The following P3H2 variants were observed in gnomAD, a reference collection of about 807,000 sequenced individuals.
The protein encoded by P3H2 is leprecan-like 1.
P3H2 carries 80 observed loss-of-function variants against 87.0 expected under a neutral mutation model. That is an observed-to-expected ratio of 0.92 (90% CI 0.77 to 1.11). The LOEUF (loss-of-function observed/expected upper bound fraction) is 1.11. P3H2 is among the 50% of genes least tolerant of loss of function. P3H2 has a pLI of 0.00. For missense variants in P3H2, 1,001 were observed against 923.9 expected (o/e 1.08, Z -1.08); for synonymous variants, 367 against 359.3 (o/e 1.02, Z -0.24).
intron 13 of P3H2, among the ~76,000 whole-genome samples, chr3:189,968,315 G>T (rs898888414): frequency 2.0e-5 from 3 of 152,018 alleles, no homozygotes; most frequent in Non-Finnish European, 2.9e-5. Flanking sequence ...TCATTGTTCA[G>T]CTCCCACTTA....
rs147047244 is a variant in P3H2, at chr3:189,968,175, A to G, written c.1893+2641T>C. On this transcript the variant is annotated intron_variant, in intron 13 of 14. Coordinates refer to ENST00000319332, the MANE Select transcript of P3H2 (RefSeq NM_018192.4). ...CATGTGCAGAATGTGCAGGTTTGTT[A>G]CATAGGTGTACATGTGCCATGGTGG... 6.2e-4 allele frequency among the ~76,000 whole-genome samples: 94 copies of G among 152,324 alleles called. 2 individuals are homozygous for G. The East Asian group carries it at 0.015, about 25-fold the overall frequency.
Position 190,041,990 on chromosome 3 carries a change from G to A in P3H2, c.481-46548C>T, listed in dbSNP as rs184484337. On this transcript the variant is annotated intron_variant, in intron 1 of 14. Coordinates refer to ENST00000319332, the MANE Select transcript of P3H2 (RefSeq NM_018192.4). ...GCATGGAAAACACATTCCCCACGGG[G>A]CAATTCTTTATTCTTAATGATTAAA... 2.0e-5 allele frequency among the ~76,000 whole-genome samples: 3 copies of A among 152,302 alleles called. No individual in the cohort carries two copies. In the East Asian group the frequency reaches 5.8e-4, roughly 29 times the overall value.
intron 1 of P3H2, among the ~76,000 whole-genome samples, chr3:190,057,039 A>T (rs1221087350): frequency 1.3e-5 from 2 of 152,208 alleles, no homozygotes; most frequent in African/African-American, 2.4e-5. Flanking sequence ...CCAACCTTTC[A>T]GACATGAGAG....
intron 1 of P3H2, among the ~76,000 whole-genome samples, chr3:190,067,776 T>C (rs1238113476): frequency 1.3e-5 from 2 of 152,152 alleles, no homozygotes; most frequent in Non-Finnish European, 2.9e-5. Context: ...TTCTTAAGTA[T>C]ACAAAAATTA....
At chr3:190,114,274 C>T (rs2108525292) in intron 1 of P3H2, among the ~76,000 whole-genome samples, 1 of 149,986 alleles carries the variant, frequency 6.7e-6, no homozygotes, top group South Asian at 2.1e-4. Flanking sequence ...AGCTCCGCCT[C>T]CCGGGTTCAC....
intron 1 of P3H2, among the ~76,000 whole-genome samples, chr3:190,037,297 T>A (rs1725456634): frequency 6.6e-6 from 1 of 152,148 alleles, no homozygotes; most frequent in South Asian, 2.1e-4. Flanking sequence ...AGTAAAAATC[T>A]ATATTAATGA....
At chr3:190,077,671 T>C (rs1055274275) in intron 1 of P3H2, among the ~76,000 whole-genome samples, 6 of 152,170 alleles carry the variant, frequency 3.9e-5, no homozygotes, top group Non-Finnish European at 5.9e-5. Flanking sequence ...ACTCAAAAGA[T>C]ACAATGAAGG....
rs1455579963 is a variant in P3H2, at chr3:189,986,884, A to T, written c.1099-7T>A. The T allele has an allele frequency of 6.3e-7, 1 of 1,580,132 alleles. No homozygotes were observed. Among genetic ancestry groups the T allele is most frequent in the Non-Finnish European group, 8.7e-7 (1 of 1,149,366 alleles). The stretch of plus-strand genomic sequence containing the variant: ...TCACAAACATTGTTAAATCCTAGAG[A>T]AAAAGAAGTAAAGAAAGACATTTTT... On this transcript the variant is annotated splice_region_variant and splice_polypyrimidine_tract_variant and intron_variant, in intron 5 of 14. Transcript: ENST00000319332.
intron 1 of P3H2, among the ~76,000 whole-genome samples, chr3:190,005,091 T>C (rs960712796): frequency 3.9e-5 from 6 of 152,244 alleles, no homozygotes; most frequent in Admixed American, 1.3e-4. Flanking sequence ...CAATTAACTA[T>C]GGATTTCTGT....
chr3:189,987,310 A>G (rs1470704039), intron 5 of P3H2, among the ~76,000 whole-genome samples: 1 of 150,864 alleles, frequency 6.6e-6, no homozygotes, highest in East Asian at 1.9e-4. Flanking sequence ...CCCCGTCTCT[A>G]CTAAAAAAAA....
In P3H2 at chr3:189,988,912, T is replaced by C. The variant is rs777638857; in HGVS notation, c.950A>G (p.Tyr317Cys). Residue 317 changes from tyrosine to cysteine, a missense_variant, in exon 4 of 15, where the codon TAT (tyrosine) becomes TGT (cysteine). Coordinates refer to ENST00000319332, the MANE Select transcript of P3H2 (RefSeq NM_018192.4). Reference protein sequence around the residue: ...LHYDYLQFAYYRVGEYVKALE... With the variant: ...LHYDYLQFAYCRVGEYVKALE... ...ACGGATGATCCACGCTTTACCTCGA[T>C]AGTAGGCAAACTGTAGGTAATCATA... The C allele has an allele frequency of 4.3e-6, 7 of 1,613,968 alleles. No individual in the cohort carries two copies. The highest frequency in any genetic ancestry group is 3.3e-5 in the South Asian group (3 of 91,064).
intron 1 of P3H2, among the ~76,000 whole-genome samples, chr3:190,037,451 T>C (rs1163468079): frequency 1.3e-5 from 2 of 152,252 alleles, no homozygotes. Flanking sequence ...GGAAGAATCA[T>C]TGCTCTGGAT....
intron 1 of P3H2, among the ~76,000 whole-genome samples, chr3:190,095,671 G>T (rs1252354319): frequency 5.3e-5 from 8 of 150,356 alleles, no homozygotes; most frequent in Non-Finnish European, 8.9e-5. Flanking sequence ...CGTGATCTCG[G>T]CTCACTGCAA....
chr3:190,041,925 T>C (rs1447169911), intron 1 of P3H2, among the ~76,000 whole-genome samples: 1 of 152,222 alleles, frequency 6.6e-6, no homozygotes, highest in South Asian at 2.1e-4. Context: ...AGTTTGTTTA[T>C]TTTTCTTACC....
At chr3:189,972,798 T>C (rs541228276) in intron 11 of P3H2, 76 bp downstream of exon 11, 12 of 1,482,854 alleles carry the variant, frequency 8.1e-6, no homozygotes, top group South Asian at 8.0e-5. Context: ...TACCATGCTG[T>C]TGAGCTTTGT....
At chr3:189,997,183 G>A (rs941430620) in intron 1 of P3H2, among the ~76,000 whole-genome samples, 7 of 152,004 alleles carry the variant, frequency 4.6e-5, no homozygotes, top group South Asian at 2.1e-4. Context: ...CACCATGCCC[G>A]GCTAATTTTT....
chr3:190,011,727 C>T (rs1166813807), intron 1 of P3H2, among the ~76,000 whole-genome samples: 1 of 152,080 alleles, frequency 6.6e-6, no homozygotes, highest in Non-Finnish European at 1.5e-5. Flanking sequence ...TTCTAATGGG[C>T]ATAGATTAAC....
At chr3:190,103,777 A>C (rs1711725284) in intron 1 of P3H2, among the ~76,000 whole-genome samples, 1 of 152,118 alleles carries the variant, frequency 6.6e-6, no homozygotes, top group African/African-American at 2.4e-5. Context: ...TTTTTATTCA[A>C]CATTAGAAAA....
At chr3:189,986,018 A>T (rs1473421815) in intron 6 of P3H2, among the ~76,000 whole-genome samples, 1 of 152,230 alleles carries the variant, frequency 6.6e-6, no homozygotes, top group East Asian at 1.9e-4. Context: ...TCATATAAAC[A>T]ATGATTAGAA....
Sources: allele counts gnomAD v4.1 joint callset (sites outside exome capture counted in the v4.1 genomes callset), GRCh38; gene constraint gnomAD v4.1.1; transcripts MANE v1.5; gene names NCBI Gene and HGNC (gene_info 2026-07-23, HGNC 2026-07-21).